Variants in PLXNA2 observed in about 807,000 individuals in gnomAD.
PLXNA2 encodes the protein plexin-A2.
A neutral mutation model predicts 193.5 loss-of-function variants in PLXNA2; 91 were observed. That is an observed-to-expected ratio of 0.47 (90% CI 0.40 to 0.56). The LOEUF (loss-of-function observed/expected upper bound fraction) is 0.56, where lower values mean the gene tolerates loss of function less well. Ranked by LOEUF, PLXNA2 falls within the 20% of genes least tolerant of loss-of-function variation. The probability of loss-of-function intolerance (pLI) is 0.00; values close to 1 mark genes in which losing one functional copy is unlikely to be tolerated. For synonymous variants in PLXNA2, 997 were observed against 1,027.3 expected, an observed-to-expected ratio of 0.97 and a Z score of 0.56; for missense variants, 1,995 against 2,503.2, an observed-to-expected ratio of 0.80 and a Z score of 4.33.
chr1:208,064,717 T>A (rs1425860061), intron 12 of PLXNA2, among the ~76,000 whole-genome samples: 1 of 152,186 alleles, frequency 6.6e-6, no homozygotes, highest in Non-Finnish European at 1.5e-5. Context: ...GGACCCTGCA[T>A]CCTGCCTTCT....
intron 11 of PLXNA2, 59 bp from the exon 12 acceptor site, chr1:208,079,509 T>C (rs1228672190): frequency 1.5e-6 from 2 of 1,303,522 alleles, no homozygotes; most frequent in Non-Finnish European, 2.1e-6. Flanking sequence ...CAATGCACCC[T>C]CCTCTTGCAG....
intron 3 of PLXNA2, among the ~76,000 whole-genome samples, chr1:208,186,257 C>G (rs752625008): frequency 3.9e-5 from 6 of 152,106 alleles, no homozygotes; most frequent in Admixed American, 6.5e-5. Flanking sequence ...TATTCAGATC[C>G]TAGCCACATG....
chr1:208,051,202 G>A (rs1033445093), intron 16 of PLXNA2, 54 bp downstream of exon 16: 5 of 1,592,584 alleles, frequency 3.1e-6, no homozygotes, highest in Non-Finnish European at 3.4e-6. Context: ...GACTTGGGCT[G>A]CAGGGATCAT....
intron 9 of PLXNA2, among the ~76,000 whole-genome samples, chr1:208,087,993 C>T (rs956239460): frequency 6.6e-6 from 1 of 152,176 alleles, no homozygotes; most frequent in Non-Finnish European, 1.5e-5. Context: ...TCCTAAGATG[C>T]TTTTCCTGCA....
chr1:208,032,157 C>T, intron 28 of PLXNA2: 1 of 985,124 alleles, frequency 1.0e-6, no homozygotes, highest in Non-Finnish European at 1.2e-6. Flanking sequence ...GGCAGGAGCA[C>T]AGCAGGACCA....
chr1:208,204,257 G>A (rs1407030780), intron 3 of PLXNA2, among the ~76,000 whole-genome samples: 1 of 152,192 alleles, frequency 6.6e-6, no homozygotes, highest in African/African-American at 2.4e-5. Flanking sequence ...ACTGGTGGGG[G>A]AAGCAGTGGT....
chr1:208,025,801 A>C lies in PLXNA2; in HGVS notation c.*1442T>G, dbSNP rs1009211198. On this transcript the variant is annotated 3_prime_UTR_variant, in exon 32 of 32. Coordinates refer to ENST00000367033, the MANE Select transcript of PLXNA2 (RefSeq NM_025179.4). ...TATCCATAGTTTTAGGCATCATCAG[A>C]AGAGACAGAGAAGGAAAGTCCAGTG... The C allele has an allele frequency of 2.0e-5, 3 of 152,274 alleles. No homozygotes were observed. Among genetic ancestry groups the C allele is most frequent in the African/African-American group, 4.8e-5 (2 of 41,450 alleles). The allele number at this position is 152,274 out of a possible 1,614,324, so 9.4% of individuals were successfully genotyped here.
intron 3 of PLXNA2, among the ~76,000 whole-genome samples, chr1:208,208,668 C>T (rs1471026841): frequency 2.0e-5 from 3 of 152,196 alleles, no homozygotes; most frequent in Admixed American, 6.5e-5. Flanking sequence ...AAGGTGCTCA[C>T]GCTAGCCTGT....
At chr1:208,234,859 G>C (rs1558259323) in intron 1 of PLXNA2, among the ~76,000 whole-genome samples, 1 of 152,146 alleles carries the variant, frequency 6.6e-6, no homozygotes, top group Non-Finnish European at 1.5e-5. Context: ...CTAGCAATTG[G>C]AGGGCAGTGA....
At chr1:208,110,492 G>C (rs1018543005) in intron 4 of PLXNA2, among the ~76,000 whole-genome samples, 2 of 152,210 alleles carry the variant, frequency 1.3e-5, no homozygotes, top group African/African-American at 4.8e-5. Context: ...GCAGTGGACC[G>C]AGCTTGTTGA....
At chr1:208,222,446 C>A (rs368363564) in intron 1 of PLXNA2, among the ~76,000 whole-genome samples, 2 of 152,180 alleles carry the variant, frequency 1.3e-5, no homozygotes, top group African/African-American at 4.8e-5. Flanking sequence ...TAACTCGGAG[C>A]GTTCCTGATG....
intron 4 of PLXNA2, among the ~76,000 whole-genome samples, chr1:208,117,040 G>A (rs1482173075): frequency 7.9e-5 from 12 of 152,138 alleles, no homozygotes; most frequent in Non-Finnish European, 1.2e-4. Flanking sequence ...GTGTGGTGGT[G>A]CATGCCTGTG....
In PLXNA2 at chr1:208,168,724, GT is replaced by G. The variant is rs10668701; in HGVS notation, c.1372-26262del. ...AAAAAGAAGACAAAGAGTATGCGGG[GT>G]TTTTTTTTTTTTTTTTTTTTTTTTT... On this transcript the variant is annotated intron_variant, in intron 3 of 31. Transcript: ENST00000367033. Among the ~76,000 whole-genome samples the G allele has an allele frequency of 6.0e-3, 436 of 73,148 alleles. 3 individuals carry two copies. The highest frequency in any genetic ancestry group is 0.025 in the African/African-American group (393 of 15,444). The allele number at this position is 73,148 out of a possible 152,430, so 48.0% of individuals were successfully genotyped here.
intron 4 of PLXNA2, among the ~76,000 whole-genome samples, chr1:208,124,487 T>C (rs1667904217): frequency 6.6e-6 from 1 of 151,922 alleles, no homozygotes; most frequent in Admixed American, 6.6e-5. Context: ...AAGGCCAGCC[T>C]GGCCAACATG....
intron 9 of PLXNA2, among the ~76,000 whole-genome samples, chr1:208,091,517 T>A (rs985287818): frequency 6.6e-6 from 1 of 152,196 alleles, no homozygotes. Context: ...GATTTAAAGA[T>A]AAGATGTAGT....
At chr1:208,068,930 A>G (rs1395928460) in intron 12 of PLXNA2, among the ~76,000 whole-genome samples, 1 of 152,196 alleles carries the variant, frequency 6.6e-6, no homozygotes, top group African/African-American at 2.4e-5. Context: ...ACTGATATCT[A>G]TTGACTGGTT....
intron 3 of PLXNA2, among the ~76,000 whole-genome samples, chr1:208,196,017 G>C (rs2498038): frequency 0.031 from 4,687 of 152,146 alleles, 131 homozygotes; most frequent in East Asian, 0.12. Flanking sequence ...TTTGGGGTTT[G>C]GTTGTGCCAT....
At chr1:208,132,463 G>A (rs927194081) in intron 4 of PLXNA2, among the ~76,000 whole-genome samples, 8 of 152,166 alleles carry the variant, frequency 5.3e-5, no homozygotes, top group African/African-American at 1.9e-4. Context: ...GTGGCCCTGG[G>A]CAAATTACTT....
chr1:208,237,955 T>G (rs1202852029), intron 1 of PLXNA2, among the ~76,000 whole-genome samples: 2 of 152,242 alleles, frequency 1.3e-5, no homozygotes, highest in African/African-American at 4.8e-5. Flanking sequence ...TTATTTAAAC[T>G]TAAATGAATT....
Sources: allele counts gnomAD v4.1 joint callset (sites outside exome capture counted in the v4.1 genomes callset), GRCh38; gene constraint gnomAD v4.1.1; transcripts MANE v1.5; gene names NCBI Gene and HGNC (gene_info 2026-07-23, HGNC 2026-07-21).